The following CFAP46 variants were observed in gnomAD, a reference collection of about 807,000 sequenced individuals.
The protein encoded by CFAP46 is cilia- and flagella-associated protein 46.
Under a neutral mutation model 325.7 loss-of-function variants are expected in CFAP46, and 245 were observed. The observed-to-expected ratio is 0.75, with a 90% CI of 0.68 to 0.84. The LOEUF is 0.84. Ranked by LOEUF, CFAP46 falls within the 40% of genes least tolerant of loss-of-function variation. The probability of loss-of-function intolerance (pLI) is 0.00; values close to 1 mark genes in which losing one functional copy is unlikely to be tolerated. For synonymous variants in CFAP46, 1,523 were observed against 1,495.9 expected, an observed-to-expected ratio of 1.02 and a Z score of -0.42; for missense variants, 3,346 against 3,543.0, an observed-to-expected ratio of 0.94 and a Z score of 1.41.
Position 132,907,007 on chromosome 10 carries a change from C to G in CFAP46, c.2924+1461G>C, listed in dbSNP as rs188967284. On this transcript the variant is annotated intron_variant, in intron 22 of 57. Coordinates refer to ENST00000368586, the MANE Select transcript of CFAP46 (RefSeq NM_001200049.3). Reference sequence around the variant, plus strand: ...GGAGACCCCGGACACGTGGAAGTTGCCGACGTGAAAGGCATCTTGGCACGT... The same window carrying G: ...GGAGACCCCGGACACGTGGAAGTTGGCGACGTGAAAGGCATCTTGGCACGT... 1.1e-4 allele frequency among the ~76,000 whole-genome samples: 16 copies of G among 152,360 alleles called. No individual in the cohort carries two copies. The East Asian group carries it at 2.9e-3, about 28-fold the overall frequency.
Position 132,808,704 on chromosome 10 carries a change from T to C in CFAP46, c.7865A>G (p.His2622Arg). ...LGSAPLPTHP[H>R]LPAPIPSSQL... ...GGAGCTGGGGATGGGAGCCGGGAGG[T>C]GGGGATGGGTTGGCAGAGGGGCAGA... Residue 2622 changes from histidine (H) to arginine (R), a missense_variant, in exon 58 of 58, where the codon CAC (histidine) becomes CGC (arginine). By Grantham distance (29) the His-to-Arg change is conservative. Coordinates refer to ENST00000368586, the MANE Select transcript of CFAP46 (RefSeq NM_001200049.3). The surrounding 1 kb of genome is among the most constrained non-coding windows in gnomAD (Gnocchi z 6.8). 1 of 1,563,508 alleles carries C rather than the reference T, an allele frequency of 6.4e-7. No individual in the cohort carries two copies. The highest frequency in any genetic ancestry group is 8.7e-7 in the Non-Finnish European group (1 of 1,155,516).
At chr10:132,810,728 G>C (rs12416631) in intron 56 of CFAP46, 176,498 of 724,622 alleles carry the variant, frequency 0.24, 24,945 homozygotes, top group Admixed American at 0.49. Flanking sequence ...GGCGCTGTGG[G>C]GACCCGGCTC....
chr10:132,899,253 T>C, intron 23 of CFAP46, 132 bp from the exon 24 acceptor site: 2 of 1,075,682 alleles, frequency 1.9e-6, no homozygotes, highest in Non-Finnish European at 2.6e-6. Context: ...TGTGGCTTGC[T>C]CAGGAGTCCC....
At position 132,828,193 on chromosome 10, in the gene CFAP46, G is replaced by A. The variant is rs907690402; in HGVS notation, c.7117+5165C>T. On this transcript the variant is annotated intron_variant, in intron 50 of 57. Transcript: ENST00000368586. The surrounding 1 kb of genome is among the most constrained non-coding windows in gnomAD (Gnocchi z 4.9). ...ACATGTGTATGAGTTTCTGCGGGAC[G>A]CGTGTCTCCTTATCTCTTTGGTAGA... Among the ~76,000 whole-genome samples the A allele has an allele frequency of 1.3e-5, 2 of 152,234 alleles. No homozygotes were observed. Among genetic ancestry groups the A allele is most frequent in the South Asian group, 2.1e-4 (1 of 4,834 alleles).
intron 29 of CFAP46, among the ~76,000 whole-genome samples, chr10:132,878,702 G>A (rs1477500281): frequency 2.0e-5 from 3 of 152,186 alleles, no homozygotes; most frequent in African/African-American, 7.2e-5. Flanking sequence ...GGGTTAGCGT[G>A]GAGCATTCTG....
intron 17 of CFAP46, among the ~76,000 whole-genome samples, chr10:132,914,972 C>T (rs1003232068): frequency 3.3e-5 from 5 of 152,250 alleles, no homozygotes; most frequent in Admixed American, 1.3e-4. Context: ...CCCAGGGAGC[C>T]GTCACACCGA....
At chr10:132,849,560 G>A (rs150714765) in intron 41 of CFAP46, among the ~76,000 whole-genome samples, 12 of 152,320 alleles carry the variant, frequency 7.9e-5, no homozygotes, top group African/African-American at 2.4e-4. Flanking sequence ...GGGGCCTTGC[G>A]TGGCTTGTAG....
chr10:132,915,545 G>A (rs747889765), intron 17 of CFAP46, among the ~76,000 whole-genome samples: 65 of 151,716 alleles, frequency 4.3e-4, no homozygotes, highest in Admixed American at 1.1e-3. Flanking sequence ...AGGGACCGGC[G>A]AGGGCGGGGC....
chr10:132,922,766 G>T (rs1849747640), intron 11 of CFAP46, 58 bp from the exon 12 acceptor site: 1 of 1,374,840 alleles, frequency 7.3e-7, no homozygotes, highest in Non-Finnish European at 1.0e-6. Context: ...GTCAGGCTGG[G>T]GTCACACCCT....
chr10:132,906,599 CGCGTG>C (rs1849459986), intron 22 of CFAP46, among the ~76,000 whole-genome samples: 4 of 59,470 alleles, frequency 6.7e-5, no homozygotes, highest in African/African-American at 2.6e-4. Context: ...GGGGTCCTGG[CGCGTG>C]ATGCCCCGTC....
At chr10:132,934,904 A>T in intron 7 of CFAP46, 42 bp from the exon 8 acceptor site, 1 of 1,231,084 alleles carries the variant, frequency 8.1e-7, no homozygotes, top group Non-Finnish European at 1.2e-6. Flanking sequence ...AGATCCTGTC[A>T]GATTTATTCA....
intron 50 of CFAP46, 44 bp from the exon 51 acceptor site, chr10:132,814,958 G>C (rs777950103): frequency 6.4e-7 from 1 of 1,574,146 alleles, no homozygotes. Context: ...GCAGCAGCTC[G>C]AGGCAGCCCT....
At chr10:132,910,622 T>C (rs1485218337) in intron 19 of CFAP46, among the ~76,000 whole-genome samples, 4 of 152,188 alleles carry the variant, frequency 2.6e-5, no homozygotes, top group Non-Finnish European at 5.9e-5. Flanking sequence ...TGAGGATCGG[T>C]GAGTCCTTGT....
Position 132,918,378 on chromosome 10 carries a change from C to G in CFAP46, c.1986+15G>C. On this transcript the variant is annotated intron_variant, in intron 16 of 57. Transcript: ENST00000368586. ...CGCACCTCAGCACCGATGAACCCCC[C>G]TCTCCATGACGCACCTCAGCATGGA... The G allele has an allele frequency of 8.5e-6, 13 of 1,532,000 alleles. No homozygotes were observed. The highest frequency in any genetic ancestry group is 1.1e-5 in the Non-Finnish European group (13 of 1,134,862). The allele number at this position is 1,532,000 out of a possible 1,614,324, so 94.9% of individuals were successfully genotyped here. A position where few individuals can be genotyped will look rare whatever the true frequency, so the allele number is the denominator to read the frequency against.
At chr10:132,900,497 G>A (rs1331785904) in intron 22 of CFAP46, among the ~76,000 whole-genome samples, 4 of 152,248 alleles carry the variant, frequency 2.6e-5, no homozygotes, top group African/African-American at 9.6e-5. Context: ...CTCACGGGTA[G>A]ACTCCCCTCA....
intron 50 of CFAP46, among the ~76,000 whole-genome samples, chr10:132,824,136 TGTGC>T: frequency 7.6e-6 from 1 of 131,224 alleles, no homozygotes; most frequent in Admixed American, 7.6e-5. Context: ...GTGCTGTGTG[TGTGC>T]TGATGTGTGC....
intron 13 of CFAP46, among the ~76,000 whole-genome samples, 178 bp downstream of exon 13, chr10:132,921,926 C>T (rs1474133852): frequency 6.6e-6 from 1 of 152,244 alleles, no homozygotes; most frequent in African/African-American, 2.4e-5. Flanking sequence ...CACAGAAGAC[C>T]GTCGCTGGGC....
chr10:132,941,822 G>C (rs1850107458), intron 2 of CFAP46, 100 bp from the exon 3 acceptor site: 7 of 1,561,622 alleles, frequency 4.5e-6, no homozygotes, highest in Non-Finnish European at 6.1e-6. Flanking sequence ...CCCCAGCACA[G>C]GTGGAGCCTG....
rs1185507638 is a variant in CFAP46 at position 132,922,562 on chromosome 10, G to A, written c.1403C>T (p.Ala468Val). ...GGTGCACAGACGCAGCCGGGTGGAG[G>A]CCATCTGGATCCTGTCCCGGTAGAG... is the stretch of plus-strand genomic sequence containing the variant. ...LGLYRDRIQM[A>V]STRLRLCTTL... The change falls in exon 12 of 58, where the codon GCC (alanine) becomes GTC (valine). Residue 468 changes from alanine to valine, a missense_variant. By Grantham distance (64) the Ala-to-Val change is moderately conservative. Transcript: ENST00000368586. 5 of 1,548,054 alleles carry A rather than the reference G, an allele frequency of 3.2e-6. No individual in the cohort carries two copies. In the African/African-American group the frequency reaches 5.5e-5, roughly 17 times the overall value.
Sources: gnomAD v4.1 joint callset for allele counts (sites outside exome capture counted in the v4.1 genomes callset) on GRCh38, gnomAD v4.1.1 for gene constraint, Gnocchi (gnomAD v3.1) non-coding constraint, MANE v1.5 for transcripts, NCBI Gene and HGNC (gene_info 2026-07-23, HGNC 2026-07-21) for gene names.